NSG1: variants seen among roughly 807,000 people sequenced by gnomAD.
NSG1 encodes neuronal vesicle trafficking associated 1.
Under a neutral mutation model 19.3 loss-of-function variants are expected in NSG1, and 9 were observed. The ratio of observed to expected loss-of-function variants is 0.47; its 90% CI spans 0.28 to 0.81. NSG1 has a LOEUF of 0.81. Ranked by LOEUF, NSG1 falls within the 40% of genes least tolerant of loss-of-function variation. The pLI is 0.11. For synonymous variants in NSG1, 104 were observed against 107.0 expected (o/e 0.97, Z 0.17); for missense variants, 236 against 242.4 (o/e 0.97, Z 0.18).
intron 3 of NSG1, among the ~76,000 whole-genome samples, chr4:4,393,887 C>T (rs1723117218): frequency 6.6e-6 from 1 of 152,192 alleles, no homozygotes; most frequent in South Asian, 2.1e-4. Context: ...GCAGATCACA[C>T]CTCTGCCAGG....
In NSG1 at chr4:4,402,308, T is replaced by C. The variant is rs139372583; in HGVS notation, c.247-7265T>C. On this transcript the variant is annotated intron_variant, in intron 3 of 4. Transcript: ENST00000621129. ...ATAACTTCTATCTCCCGGGTTCGAA[T>C]GATTCTTCTGCCTCAGCCCTCCGAG... Among the ~76,000 whole-genome samples, 280 of 149,546 alleles carry C rather than the reference T, an allele frequency of 1.9e-3. 4 individuals are homozygous for C. The highest frequency in any genetic ancestry group is 8.9e-3 in the Admixed American group (132 of 14,836).
At chr4:4,387,781 A>G in intron 2 of NSG1, 23 bp downstream of exon 2, 5 of 1,572,552 alleles carry the variant, frequency 3.2e-6, no homozygotes, top group Non-Finnish European at 4.4e-6. Flanking sequence ...ACGCCCCTCC[A>G]CGTTGCCGGG....
Position 4,417,315 on chromosome 4 carries a change from C to T in NSG1, c.438C>T (p.Val146=). The T allele has an allele frequency of 6.2e-6, 10 of 1,614,140 alleles. No individual in the cohort carries two copies. The highest frequency in any genetic ancestry group is 8.5e-6 in the Non-Finnish European group (10 of 1,180,026). Residue 146 remains valine (V), a synonymous_variant, in exon 5 of 5, where the codon GTC becomes GTT. Transcript: ENST00000621129. ...DSSAREKFYT[V]INHYNLAKQS... is the part of the protein sequence containing the mutation. ...GTGCCCGGGAGAAATTTTACACAGT[C>T]ATAAACCACTACAACCTGGCCAAGC... is the stretch of plus-strand genomic sequence containing the variant.
chr4:4,397,380 G>T (rs1247138937), intron 3 of NSG1, among the ~76,000 whole-genome samples: 1 of 152,110 alleles, frequency 6.6e-6, no homozygotes, highest in Non-Finnish European at 1.5e-5. Flanking sequence ...GGGAAATAAG[G>T]CCAGAAAGGT....
chr4:4,399,910 C>A lies in NSG1; in HGVS notation c.246+8319C>A, dbSNP rs146697235. Among the ~76,000 whole-genome samples the A allele has an allele frequency of 1.8e-4, 28 of 152,368 alleles. No homozygotes were observed. The Middle Eastern group carries it at 0.014, about 74-fold the overall frequency. ...ATGAGAATCTAATGCTGCCACTGAT[C>A]TGACAGGAGACAGAGCTCAGGCAAT... On this transcript the variant is annotated intron_variant, in intron 3 of 4. Coordinates refer to ENST00000621129, the MANE Select transcript of NSG1 (RefSeq NM_014392.5).
In NSG1 at chr4:4,417,729, G is replaced by C; in HGVS notation, c.*294G>C. 2.4e-6 allele frequency: 1 copy of C among 421,462 alleles called. No individual in the cohort carries two copies. The highest frequency in any genetic ancestry group is 2.3e-5 in the South Asian group (1 of 43,720). 26.1% of individuals were successfully genotyped at this position (421,462 alleles called of 1,614,324 possible). On this transcript the variant is annotated 3_prime_UTR_variant, in exon 5 of 5. Coordinates refer to ENST00000621129, the MANE Select transcript of NSG1 (RefSeq NM_014392.5). Reference sequence around the variant, plus strand: ...GCTGTAAAAAAATAAATTTACACTGGATATGCGAAGGGTTTGGATCTCAGA... The same window carrying C: ...GCTGTAAAAAAATAAATTTACACTGCATATGCGAAGGGTTTGGATCTCAGA...
Position 4,387,680 on chromosome 4 carries a change from G to A in NSG1, c.51G>A (p.Leu17=). The A allele has an allele frequency of 1.2e-6, 2 of 1,613,880 alleles. No homozygotes were observed. The highest frequency in any genetic ancestry group is 2.2e-5 in the South Asian group (2 of 91,086). The part of the protein sequence containing the change: ...NFAEKGTKQP[L]LEDGFDTIPL... ...CAGAGAAGGGCACCAAGCAGCCGCT[G>A]CTGGAGGATGGCTTCGACACCATTC... The change falls in exon 2 of 5, where the codon CTG becomes CTA. Residue 17 remains leucine, a synonymous_variant. Transcript: ENST00000621129.
intron 4 of NSG1, among the ~76,000 whole-genome samples, chr4:4,414,216 T>TATCCA (rs1724391104): frequency 6.6e-6 from 1 of 151,654 alleles, no homozygotes; most frequent in Non-Finnish European, 1.5e-5. Flanking sequence ...CTGGCCTGGG[T>TATCCA]GGGAGATGAC....
At chr4:4,393,209 G>A (rs1477618829) in intron 3 of NSG1, among the ~76,000 whole-genome samples, 1 of 152,312 alleles carries the variant, frequency 6.6e-6, no homozygotes, top group Non-Finnish European at 1.5e-5. Context: ...CAGCCCCGGC[G>A]TTTTAGGTCC....
chr4:4,417,934 G>A lies in NSG1; in HGVS notation c.*499G>A. On this transcript the variant is annotated 3_prime_UTR_variant, in exon 5 of 5. Transcript: ENST00000621129. ...CCAAGGTGCACTGTAGTAAGTAAGT[G>A]GCATAGAGAACGAGGAAAAAGACCC... 5.8e-6 allele frequency: 1 copy of A among 173,798 alleles called. No individual in the cohort carries two copies. Among genetic ancestry groups the A allele is most frequent in the Admixed American group, 5.8e-5 (1 of 17,310 alleles). 10.8% of individuals were successfully genotyped at this position (173,798 alleles called of 1,614,324 possible). A position where few individuals can be genotyped will look rare whatever the true frequency, so the allele number is the denominator to read the frequency against.
At chr4:4,389,816 C>G (rs1391561132) in intron 2 of NSG1, among the ~76,000 whole-genome samples, 2 of 152,164 alleles carry the variant, frequency 1.3e-5, no homozygotes, top group African/African-American at 2.4e-5. Context: ...GCAGCAGAGT[C>G]AGGGCTGGTC....
chr4:4,400,632 T>A (rs1352187644), intron 3 of NSG1, among the ~76,000 whole-genome samples: 3 of 152,196 alleles, frequency 2.0e-5, no homozygotes, highest in Admixed American at 1.3e-4. Context: ...CCTTCAAAAA[T>A]TTTTTATAGT....
rs1722797087 is a variant in NSG1, at chr4:4,387,628, C to T, written c.-2C>T. 1 of 1,611,710 alleles carries T rather than the reference C, an allele frequency of 6.2e-7. No homozygotes were observed. The highest frequency in any genetic ancestry group is 1.7e-5 in the Admixed American group (1 of 59,868). ...GGCTGCAGCCTCGGAGCTCCCGGAA[C>T]GATGGTGAAGTTGGGGAACAATTTC... On this transcript the variant is annotated 5_prime_UTR_variant, in exon 2 of 5. In the 5' UTR this introduces an upstream ATG that the reference lacks. Coordinates refer to ENST00000621129, the MANE Select transcript of NSG1 (RefSeq NM_014392.5).
At chr4:4,386,766 C>G (rs983152557), upstream of NSG1, 2 of 153,108 alleles carry the variant, frequency 1.3e-5, no homozygotes, top group African/African-American at 4.8e-5. Flanking sequence ...CCCAGGCCGC[C>G]GCCCGGGGTG....
chr4:4,391,722 C>A, intron 3 of NSG1, 131 bp downstream of exon 3: 1 of 502,582 alleles, frequency 2.0e-6, no homozygotes, highest in South Asian at 4.8e-5. Flanking sequence ...TGTGCACACC[C>A]AGTAGCTTGT....
Position 4,408,840 on chromosome 4 carries a change from G to A in NSG1, c.247-733G>A, listed in dbSNP as rs1724010170. ...AGTGCCTTCAAGGTCCAGGTCCAGT[G>A]TCATCTAGTGACCCATGCCCCGTGC... On this transcript the variant is annotated intron_variant, in intron 3 of 4. Transcript: ENST00000621129. 2.6e-5 allele frequency among the ~76,000 whole-genome samples: 4 copies of A among 152,166 alleles called. No individual in the cohort carries two copies. In the South Asian group the frequency reaches 8.3e-4, roughly 32 times the overall value.
intron 2 of NSG1, among the ~76,000 whole-genome samples, chr4:4,390,364 G>A (rs969756210): frequency 3.3e-5 from 5 of 152,216 alleles, no homozygotes; most frequent in Non-Finnish European, 7.3e-5. Context: ...TCATTTTTCA[G>A]TGACCCTGGA....
At chr4:4,416,358 C>T (rs1208445079) in intron 4 of NSG1, among the ~76,000 whole-genome samples, 1 of 152,172 alleles carries the variant, frequency 6.6e-6, no homozygotes, top group African/African-American at 2.4e-5. Flanking sequence ...TTCACAAGGG[C>T]CTTGCAGGTA....
At chr4:4,408,420 C>T (rs1445205981) in intron 3 of NSG1, among the ~76,000 whole-genome samples, 2 of 152,214 alleles carry the variant, frequency 1.3e-5, no homozygotes, top group African/African-American at 4.8e-5. Flanking sequence ...CTCTGCCTCT[C>T]TGGGCAGGCG....
Sources: gnomAD v4.1 joint callset for allele counts (sites outside exome capture counted in the v4.1 genomes callset) on GRCh38, gnomAD v4.1.1 for gene constraint, MANE v1.5 for transcripts, NCBI Gene and HGNC (gene_info 2026-07-23, HGNC 2026-07-21) for gene names.